Variants in ALOXE3 observed in about 807,000 individuals in gnomAD.
ALOXE3 encodes the protein arachidonate epidermal lipoxygenase 3.
ALOXE3 carries 78 observed loss-of-function variants against 87.5 expected under a neutral mutation model. That is an observed-to-expected ratio of 0.89 (90% CI 0.74 to 1.08). The LOEUF (loss-of-function observed/expected upper bound fraction) is 1.08, where lower values mean the gene tolerates loss of function less well. Ranked by LOEUF, ALOXE3 falls within the 50% of genes least tolerant of loss-of-function variation. The pLI, the probability that ALOXE3 is intolerant of heterozygous loss-of-function variation, is 0.00. For missense variants in ALOXE3, 946 were observed against 912.4 expected, an observed-to-expected ratio of 1.04 and a Z score of -0.47; for synonymous variants, 363 against 370.8, an observed-to-expected ratio of 0.98 and a Z score of 0.24.
intron 6 of ALOXE3, 81 bp downstream of exon 6, chr17:8,114,403 A>G (rs1980389703): frequency 6.3e-7 from 1 of 1,594,424 alleles, no homozygotes; most frequent in African/African-American, 1.4e-5. Flanking sequence ...GGGAATAGGG[A>G]GAAGGGGCAG....
intron 12 of ALOXE3, among the ~76,000 whole-genome samples, chr17:8,108,955 C>A (rs564462627): frequency 1.3e-5 from 2 of 152,270 alleles, no homozygotes. Context: ...CACTGGACAC[C>A]CCCTCCTTCC....
intron 13 of ALOXE3, among the ~76,000 whole-genome samples, chr17:8,105,914 CAAAAAA>C (rs1164518718): frequency 4.6e-5 from 2 of 43,166 alleles, no homozygotes; most frequent in East Asian, 9.7e-4. Flanking sequence ...GACCCCGCCT[CAAAAAA>C]AAAAAAAAAA....
At position 8,096,614 on chromosome 17, in the gene ALOXE3, T is replaced by G; in HGVS notation, c.*13A>C. 21 of 1,119,860 alleles carry G rather than the reference T, an allele frequency of 1.9e-5. No homozygotes were observed. Among genetic ancestry groups the G allele is most frequent in the Middle Eastern group, 2.0e-4 (1 of 5,080 alleles). 69.4% of individuals were successfully genotyped at this position (1,119,860 alleles called of 1,614,324 possible). ...TGGACCTTTCTTTCTTCTTGGGTGG[T>G]ATTTGGGGGTGGTTAGATGGAGACG... On this transcript the variant is annotated 3_prime_UTR_variant, in exon 16 of 16. Coordinates refer to ENST00000448843, the MANE Select transcript of ALOXE3 (RefSeq NM_021628.3).
chr17:8,098,859 T>C (rs1978737133), intron 15 of ALOXE3, among the ~76,000 whole-genome samples: 1 of 151,932 alleles, frequency 6.6e-6, no homozygotes, highest in Middle Eastern at 3.2e-3. Flanking sequence ...TATTTTTTTC[T>C]TTTTTTGTTT....
intron 11 of ALOXE3, among the ~76,000 whole-genome samples, chr17:8,109,615 G>C (rs376697252): frequency 1.3e-5 from 2 of 151,692 alleles, no homozygotes; most frequent in East Asian, 3.9e-4. Context: ...GCTGAGGGTA[G>C]TGCTGGGGCT....
chr17:8,118,619 G>A (rs149757177), upstream of ALOXE3: 597 of 1,535,820 alleles, frequency 3.9e-4, 5 homozygotes, highest in East Asian at 4.5e-3. Flanking sequence ...AAATGGTCAG[G>A]AACAGCTCCC....
At chr17:8,107,951 A>G (rs1598204934) in intron 13 of ALOXE3, among the ~76,000 whole-genome samples, 3 of 4,400 alleles carry the variant, frequency 6.8e-4, no homozygotes, top group East Asian at 2.0e-3. Flanking sequence ...GAAAGAAAGA[A>G]AGAAAGAAAG....
upstream of ALOXE3, chr17:8,118,900 CCCGCGCGGCCGGTTCCGGCG>C: frequency 1.4e-6 from 2 of 1,474,142 alleles, no homozygotes; most frequent in South Asian, 2.7e-5. Context: ...CCGCAGCGGC[CCCGCGCGGCCGGTTCCGGCG>C]CCGCACTGTT....
chr17:8,115,759 A>C (rs1262964310), intron 3 of ALOXE3, 71 bp from the exon 4 acceptor site: 5 of 1,478,706 alleles, frequency 3.4e-6, no homozygotes, highest in Non-Finnish European at 4.7e-6. Context: ...CCTTGCCTGA[A>C]CCCCCTGACC....
At position 8,096,449 on chromosome 17, in the gene ALOXE3, A is replaced by T; in HGVS notation, c.*178T>A. Reference sequence around the variant, plus strand: ...GGACGCTGCTGTGCTGGTCTCTCACAGCTCAGGGCCCAGTTTGTATGATGT... The same window carrying T: ...GGACGCTGCTGTGCTGGTCTCTCACTGCTCAGGGCCCAGTTTGTATGATGT... On this transcript the variant is annotated 3_prime_UTR_variant, in exon 16 of 16. Coordinates refer to ENST00000448843, the MANE Select transcript of ALOXE3 (RefSeq NM_021628.3). 1 of 634,932 alleles carries T rather than the reference A, an allele frequency of 1.6e-6. No homozygotes were observed. The highest frequency in any genetic ancestry group is 2.9e-6 in the Non-Finnish European group (1 of 350,378). The allele number at this position is 634,932 out of a possible 1,614,324, so 39.3% of individuals were successfully genotyped here. A position where few individuals can be genotyped will look rare whatever the true frequency, so the allele number is the denominator to read the frequency against.
Position 8,118,480 on chromosome 17 carries a change from G to C in ALOXE3, c.-314+6C>G. 6.5e-7 allele frequency: 1 copy of C among 1,546,754 alleles called. No homozygotes were observed. Among genetic ancestry groups the C allele is most frequent in the South Asian group, 1.2e-5 (1 of 84,036 alleles). ...CCATTCCCAGGCAGAGATGAGCACA[G>C]GGCACCTGCATTCCTACGTGTGAAT... On this transcript the variant is annotated splice_donor_region_variant and intron_variant, in intron 1 of 15. Coordinates refer to ENST00000448843, the MANE Select transcript of ALOXE3 (RefSeq NM_021628.3).
Position 8,104,152 on chromosome 17 carries a change from T to C in ALOXE3, c.1748A>G (p.Asn583Ser), listed in dbSNP as rs148664370. The C allele has an allele frequency of 1.5e-5, 24 of 1,613,780 alleles. No homozygotes were observed. Among genetic ancestry groups the C allele is most frequent in the Non-Finnish European group, 2.0e-5 (24 of 1,179,988 alleles). The change falls in exon 14 of 16, where the codon AAT (asparagine) becomes AGT (serine). Residue 583 changes from asparagine (N) to serine (S), a missense_variant. Asn to Ser is a conservative substitution (Grantham distance 46). Coordinates refer to ENST00000448843, the MANE Select transcript of ALOXE3 (RefSeq NM_021628.3). ...GACAGCAGCGTGCTGGGCAGAGCAA[T>C]TGAAGATGATTGCAGTGAGGAACTT... ...MVKFLTAIIF[N>S]CSAQHAAVNS...
rs779361234 is a variant in ALOXE3, at chr17:8,114,567, G to A, written c.597C>T (p.Asp199=). ...RYLPGFPMKI[D]IPSLMYMEPN... is the part of the protein sequence containing the mutation. ...GCTCCATGTACATCAGGGATGGGATGTCAATTTTCATGGGGAAGCCGGGCA... is the reference window on the plus strand; with the variant it reads ...GCTCCATGTACATCAGGGATGGGATATCAATTTTCATGGGGAAGCCGGGCA... The change falls in exon 6 of 16, where the codon GAC becomes GAT. Residue 199 remains aspartate (D), a synonymous_variant. Transcript: ENST00000448843. 1.2e-6 allele frequency: 2 copies of A among 1,614,056 alleles called. No individual in the cohort carries two copies. Among genetic ancestry groups the A allele is most frequent in the Non-Finnish European group, 1.7e-6 (2 of 1,179,970 alleles).
At chr17:8,118,890 C>T, upstream of ALOXE3, 1 of 1,484,754 alleles carries the variant, frequency 6.7e-7, no homozygotes, top group Non-Finnish European at 8.9e-7. Context: ...AGCCCATAGC[C>T]CGCAGCGGCC....
intron 6 of ALOXE3, among the ~76,000 whole-genome samples, chr17:8,113,662 A>T (rs547362210): frequency 6.6e-6 from 1 of 151,942 alleles, no homozygotes; most frequent in Admixed American, 6.5e-5. Context: ...CAAAACAACA[A>T]CAACAACAAC....
At chr17:8,105,607 C>A (rs770725759) in intron 13 of ALOXE3, among the ~76,000 whole-genome samples, 2 of 151,840 alleles carry the variant, frequency 1.3e-5, no homozygotes, top group Non-Finnish European at 2.9e-5. Context: ...ACCAAGAGCC[C>A]GGTAATTATT....
At chr17:8,116,751 A>G in intron 3 of ALOXE3, 25 bp downstream of exon 3, 1 of 1,610,064 alleles carries the variant, frequency 6.2e-7, no homozygotes, top group Non-Finnish European at 8.5e-7. Context: ...TCTGCAGTAC[A>G]GTGTAGTCCT....
chr17:8,111,529 A>T lies in ALOXE3; in HGVS notation c.787T>A (p.Tyr263Asn), dbSNP rs747609158. 8 of 1,613,958 alleles carry T rather than the reference A, an allele frequency of 5.0e-6. No individual in the cohort carries two copies. The African/African-American group carries it at 9.3e-5, about 19-fold the overall frequency. The change falls in exon 8 of 16, where the codon TAT becomes AAT. Residue 263 changes from tyrosine to asparagine, a missense_variant and splice_region_variant. Coordinates refer to ENST00000448843, the MANE Select transcript of ALOXE3 (RefSeq NM_021628.3). ...TCTTCACACCAGTGCTCTGTGACAT[A>T]CTCTGGGATACAAGAGAGGGGACCA... Reference protein sequence around the residue: ...FWCHKTFTTKYVTEHWCEDHF... With the variant: ...FWCHKTFTTKNVTEHWCEDHF...
At chr17:8,114,023 C>A (rs1156586369) in intron 6 of ALOXE3, among the ~76,000 whole-genome samples, 1 of 135,940 alleles carries the variant, frequency 7.4e-6, no homozygotes, top group Non-Finnish European at 1.6e-5. Context: ...GAAACTCCGT[C>A]TCAAAAAAAA....
Sources: allele counts gnomAD v4.1 joint callset (sites outside exome capture counted in the v4.1 genomes callset), GRCh38; gene constraint gnomAD v4.1.1; transcripts MANE v1.5; gene names NCBI Gene and HGNC (gene_info 2026-07-23, HGNC 2026-07-21).